Variants in LGALS9B observed in about 807,000 individuals in gnomAD.
LGALS9B encodes the protein galectin-9B.
Under a neutral mutation model 35.9 loss-of-function variants are expected in LGALS9B, and 8 were observed. The observed-to-expected ratio is 0.22, with a 90% CI of 0.13 to 0.40. The LOEUF (loss-of-function observed/expected upper bound fraction) is 0.40. Among genes scored for constraint, LGALS9B ranks in the 10% least tolerant of loss-of-function variants. LGALS9B has a pLI of 1.00. For missense variants in LGALS9B, 101 were observed against 397.9 expected, an observed-to-expected ratio of 0.25 and a Z score of 6.35; for synonymous variants, 42 against 148.6, an observed-to-expected ratio of 0.28 and a Z score of 5.22.
In LGALS9B at chr17:20,461,735, A is replaced by C. The variant is rs76596679; in HGVS notation, c.40-1292T>G. On this transcript the variant is annotated intron_variant, in intron 1 of 10. Transcript: ENST00000423676. Reference sequence around the variant, plus strand: ...TTCTCAGCACTAACCAATGATTACCATCTGGGCTTAGTATTGGCAGAACTT... The same window carrying C: ...TTCTCAGCACTAACCAATGATTACCCTCTGGGCTTAGTATTGGCAGAACTT... Among the ~76,000 whole-genome samples, 2 of 50,006 alleles carry C rather than the reference A, an allele frequency of 4.0e-5. 1 individual carries two copies. The highest frequency in any genetic ancestry group is 1.6e-4 in the African/African-American group (2 of 12,260). 32.8% of individuals were successfully genotyped at this position (50,006 alleles called of 152,430 possible).
intron 10 of LGALS9B, among the ~76,000 whole-genome samples, chr17:20,450,794 C>T: frequency 6.7e-6 from 1 of 148,308 alleles, no homozygotes; most frequent in Non-Finnish European, 1.5e-5. Context: ...AATACAAATG[C>T]CCAGGCTGAC....
At chr17:20,461,200 G>A (rs373294160) in intron 1 of LGALS9B, among the ~76,000 whole-genome samples, 36 of 149,456 alleles carry the variant, frequency 2.4e-4, no homozygotes, top group African/African-American at 6.9e-4. Flanking sequence ...GGAGTCAGGC[G>A]GACTCCAGGT....
At chr17:20,455,724 T>C (rs200074819) in intron 4 of LGALS9B, among the ~76,000 whole-genome samples, 10,777 of 148,714 alleles carry the variant, frequency 0.072, no homozygotes, top group South Asian at 0.14. Flanking sequence ...GGGAGCTCCC[T>C]CGAATGCCAA....
chr17:20,464,990 G>C (rs1314052736), intron 1 of LGALS9B, among the ~76,000 whole-genome samples: 1 of 152,194 alleles, frequency 6.6e-6, no homozygotes, highest in African/African-American at 2.4e-5. Flanking sequence ...GGCCCATGTC[G>C]GCCTTGACAG....
intron 1 of LGALS9B, among the ~76,000 whole-genome samples, chr17:20,461,315 T>TA (rs1260441478): frequency 6.7e-6 from 1 of 150,158 alleles, no homozygotes; most frequent in Non-Finnish European, 1.5e-5. Context: ...GTGTTTCTCC[T>TA]ACTGCATATG....
chr17:20,458,564 G>A (rs1156626302), intron 2 of LGALS9B, among the ~76,000 whole-genome samples, 180 bp from the exon 3 acceptor site: 1 of 151,438 alleles, frequency 6.6e-6, no homozygotes, highest in Non-Finnish European at 1.5e-5. Context: ...GTGTTTTTGT[G>A]CGATTATTGC....
intron 1 of LGALS9B, among the ~76,000 whole-genome samples, chr17:20,467,075 G>A (rs1028533735): frequency 5.6e-5 from 8 of 143,040 alleles, no homozygotes; most frequent in African/African-American, 2.2e-4. Context: ...TCCACAGTAC[G>A]CACCCTTAAC....
intron 8 of LGALS9B, 125 bp from the exon 9 acceptor site, chr17:20,452,008 C>T (rs1398030020): frequency 1.4e-6 from 2 of 1,415,840 alleles, no homozygotes; most frequent in African/African-American, 1.4e-5. Context: ...GATATCTTTA[C>T]TTGGTTCCAT....
Position 20,460,361 on chromosome 17 carries a change from C to T in LGALS9B, c.122G>A (p.Ser41Asn). The change falls in exon 2 of 11, where the codon AGT (serine) becomes AAT (asparagine). Residue 41 changes from serine to asparagine, a missense_variant. Physicochemically the swap from Ser to Asn is conservative, Grantham distance 46. Coordinates refer to ENST00000423676, the MANE Select transcript of LGALS9B (RefSeq NM_001367292.2). ...ITVNGAVLSS[S>N]GTRFAVDFQT... Reference sequence around the variant, plus strand: ...ATCCATATACACACACCTGGTTCCACTGGAGCTGAGAACGGCCCCATTGAC... The same window carrying T: ...ATCCATATACACACACCTGGTTCCATTGGAGCTGAGAACGGCCCCATTGAC... 3 of 1,602,002 alleles carry T rather than the reference C, an allele frequency of 1.9e-6. 1 individual carries two copies. Among genetic ancestry groups the T allele is most frequent in the Non-Finnish European group, 2.6e-6 (3 of 1,171,080 alleles).
At chr17:20,464,958 C>T (rs1056146813) in intron 1 of LGALS9B, among the ~76,000 whole-genome samples, 2 of 152,088 alleles carry the variant, frequency 1.3e-5, no homozygotes, top group Non-Finnish European at 2.9e-5. Context: ...GGACGGGGTG[C>T]GATGCCATGT....
At chr17:20,450,380 C>T (rs141238296) in intron 10 of LGALS9B, among the ~76,000 whole-genome samples, 8,489 of 131,442 alleles carry the variant, frequency 0.065, 817 homozygotes, top group Non-Finnish European at 0.098. Context: ...GGACCCAGCA[C>T]ACAGGAGTGC....
Position 20,458,244 on chromosome 17 carries a change from A to G in LGALS9B, c.272T>C (p.Met91Thr), listed in dbSNP as rs1223816463. 2 of 1,613,778 alleles carry G rather than the reference A, an allele frequency of 1.2e-6. No homozygotes were observed. Among genetic ancestry groups the G allele is most frequent in the Admixed American group, 1.7e-5 (1 of 59,998 alleles). The stretch of plus-strand genomic sequence containing the variant: ...AAAGGGCATCCCCTTCTGGAAGGGC[A>G]TGTGCATCTTCCTCTCCTCGGGCCC... Reference protein sequence around the residue: ...RWGPEERKMHMPFQKGMPFDL... With the variant: ...RWGPEERKMHTPFQKGMPFDL... Residue 91 changes from methionine (M) to threonine (T), a missense_variant, in exon 3 of 11, where the codon ATG (methionine) becomes ACG (threonine). Coordinates refer to ENST00000423676, the MANE Select transcript of LGALS9B (RefSeq NM_001367292.2).
At chr17:20,458,069 TG>T in intron 3 of LGALS9B, 113 bp downstream of exon 3, 1 of 987,832 alleles carries the variant, frequency 1.0e-6, no homozygotes, top group Non-Finnish European at 1.5e-6. Flanking sequence ...ATCTGTATGG[TG>T]GTGTCACTCT....
At chr17:20,459,360 A>G (rs367560532) in intron 2 of LGALS9B, among the ~76,000 whole-genome samples, 11,881 of 132,424 alleles carry the variant, frequency 0.09, 17 homozygotes, top group South Asian at 0.16. Flanking sequence ...TGGGGGAAAC[A>G]GAGGGAGAGG....
intron 1 of LGALS9B, among the ~76,000 whole-genome samples, chr17:20,461,080 A>G (rs1251113038): frequency 8.4e-6 from 1 of 118,674 alleles, no homozygotes; most frequent in African/African-American, 3.0e-5. Context: ...CCCGAGCCCC[A>G]GCGTAGTTTC....
intron 10 of LGALS9B, among the ~76,000 whole-genome samples, chr17:20,450,321 C>T (rs2042638485): frequency 1.4e-5 from 2 of 140,438 alleles, no homozygotes; most frequent in South Asian, 2.2e-4. Context: ...GAATACTGTT[C>T]CCACGACATC....
At chr17:20,455,258 TC>T (rs1477071031) in intron 5 of LGALS9B, 44 bp downstream of exon 5, 1 of 1,164,518 alleles carries the variant, frequency 8.6e-7, no homozygotes, top group Non-Finnish European at 1.2e-6. Context: ...CCTCGGTCCT[TC>T]CTGCTGTCTG....
chr17:20,452,311 C>G (rs1217063498), intron 8 of LGALS9B, 40 bp downstream of exon 8: 2 of 266,662 alleles, frequency 7.5e-6, no homozygotes, highest in South Asian at 5.0e-5. Context: ...AGCCTGCCCA[C>G]CACAAACAGA....
At chr17:20,454,395 C>T (rs1488432339) in intron 5 of LGALS9B, among the ~76,000 whole-genome samples, 2 of 150,506 alleles carry the variant, frequency 1.3e-5, no homozygotes, top group Non-Finnish European at 3.0e-5. Context: ...TGTTCTTGCC[C>T]TGGCTGGTAT....
Sources: allele counts gnomAD v4.1 joint callset (sites outside exome capture counted in the v4.1 genomes callset), GRCh38; gene constraint gnomAD v4.1.1; transcripts MANE v1.5; gene names NCBI Gene and HGNC (gene_info 2026-07-23, HGNC 2026-07-21).